The following SENP1 variants were observed in gnomAD, a reference collection of about 807,000 sequenced individuals.
The protein encoded by SENP1 is SUMO specific peptidase 1.
In SENP1, 21 loss-of-function variants were observed where a neutral mutation model predicts 93.0. That is an observed-to-expected ratio of 0.23 (90% CI 0.16 to 0.33). The LOEUF is 0.33. Among genes scored for constraint, SENP1 ranks in the 10% least tolerant of loss-of-function variants. The pLI, the probability that SENP1 is intolerant of heterozygous loss-of-function variation, is 1.00. For synonymous variants in SENP1, 256 were observed against 259.6 expected (o/e 0.99, Z 0.13); for missense variants, 591 against 758.7 (o/e 0.78, Z 2.60).
At chr12:48,089,428 C>T in intron 4 of SENP1, 4 of 918,104 alleles carry the variant, frequency 4.4e-6, no homozygotes, top group Middle Eastern at 9.3e-4. Flanking sequence ...GTTCAAGACT[C>T]AGGTACTCTC....
intron 6 of SENP1, among the ~76,000 whole-genome samples, chr12:48,078,860 G>A (rs1339674678): frequency 6.6e-6 from 1 of 152,162 alleles, no homozygotes; most frequent in Non-Finnish European, 1.5e-5. Flanking sequence ...TGTTTTTGTT[G>A]TTGTTGTTGT....
intron 6 of SENP1, among the ~76,000 whole-genome samples, chr12:48,076,321 G>C (rs553672357): frequency 3.3e-5 from 5 of 152,016 alleles, no homozygotes; most frequent in African/African-American, 1.2e-4. Context: ...AGTAGAGATG[G>C]GGTTTCACCA....
intron 4 of SENP1, among the ~76,000 whole-genome samples, chr12:48,091,698 G>A (rs571532410): frequency 1.6e-4 from 24 of 149,750 alleles, no homozygotes; most frequent in Non-Finnish European, 7.4e-5. Context: ...TTTTTTTCTT[G>A]AGACAGGGTC....
rs755818133 is a variant in SENP1, at chr12:48,098,026, G to T, written c.103C>A (p.Pro35Thr). 29 of 1,613,722 alleles carry T rather than the reference G, an allele frequency of 1.8e-5. No homozygotes were observed. The highest frequency in any genetic ancestry group is 2.4e-5 in the Non-Finnish European group (28 of 1,179,804). Residue 35 changes from proline (P) to threonine (T), a missense_variant, in exon 3 of 18, where the codon CCA becomes ACA. Pro to Thr is a conservative substitution (Grantham distance 38). Around this residue, in one of 4 missense-constraint regions of SENP1, gnomAD observed 214 missense variants for 243.4 expected, o/e 0.88. Coordinates refer to ENST00000549518, the MANE Select transcript of SENP1 (RefSeq NM_001267594.2). The stretch of plus-strand genomic sequence containing the variant: ...TCAGAAAGCGAAAGCTGGTCCTCTG[G>T]AAAACCTGTTTGTGGCAGGAGGTGG... ...KTHLLPQTGF[P>T]EDQLSLSDQQ... is the part of the protein sequence containing the mutation.
chr12:48,093,803 A>C (rs1945377632), intron 4 of SENP1, among the ~76,000 whole-genome samples: 1 of 152,114 alleles, frequency 6.6e-6, no homozygotes, highest in East Asian at 1.9e-4. Flanking sequence ...CGTCTCTACC[A>C]AAAAATGCAA....
At chr12:48,105,943 G>C (rs1422028261) in intron 1 of SENP1, 85 bp downstream of exon 1, 13 of 690,656 alleles carry the variant, frequency 1.9e-5, no homozygotes, top group Non-Finnish European at 3.4e-5. Context: ...AGTCCAGCCC[G>C]GGCCGGCTGA....
intron 5 of SENP1, among the ~76,000 whole-genome samples, chr12:48,086,640 T>C (rs1944882780): frequency 6.6e-6 from 1 of 152,188 alleles, no homozygotes; most frequent in South Asian, 2.1e-4. Flanking sequence ...ACCTAGCTTA[T>C]AAAAAATACA....
chr12:48,055,156 C>T, intron 13 of SENP1: 2 of 256,700 alleles, frequency 7.8e-6, no homozygotes, highest in South Asian at 6.4e-5. Flanking sequence ...GCCACATTTG[C>T]CACAGGTTGA....
chr12:48,046,495 T>C, intron 16 of SENP1, 44 bp from the exon 17 acceptor site: 2 of 1,303,184 alleles, frequency 1.5e-6, no homozygotes, highest in South Asian at 1.2e-5. Context: ...TCCAAGCTTC[T>C]TTCCTTCTTA....
chr12:48,076,394 G>A (rs1944083779), intron 6 of SENP1, among the ~76,000 whole-genome samples: 1 of 151,902 alleles, frequency 6.6e-6, no homozygotes, highest in African/African-American at 2.4e-5. Context: ...GCGCCATATC[G>A]GCTCACTGCA....
At chr12:48,105,654 C>G (rs991248404) in intron 1 of SENP1, 1 of 432,522 alleles carries the variant, frequency 2.3e-6, no homozygotes, top group African/African-American at 2.0e-5. Context: ...GTGAAAACAG[C>G]TCTCCCCAGA....
intron 2 of SENP1, among the ~76,000 whole-genome samples, chr12:48,099,897 ATAT>A (rs1194949361): frequency 6.6e-6 from 1 of 151,834 alleles, no homozygotes; most frequent in Non-Finnish European, 1.5e-5. Context: ...AATAACTATA[ATAT>A]TATGGCAGAA....
In SENP1 at chr12:48,043,489, A is replaced by G. The variant is rs574006966; in HGVS notation, c.*1833T>C. ...ATACAGTAAATACCAAGAACCAGACAATATTCCAGGAGTCCTGCAATGAGA... is the reference window on the plus strand; with the variant it reads ...ATACAGTAAATACCAAGAACCAGACGATATTCCAGGAGTCCTGCAATGAGA... On this transcript the variant is annotated 3_prime_UTR_variant, in exon 18 of 18. Transcript: ENST00000549518. The G allele has an allele frequency of 4.6e-5, 7 of 152,776 alleles. No homozygotes were observed. In the South Asian group the frequency reaches 1.0e-3, roughly 23 times the overall value. The allele number at this position is 152,776 out of a possible 1,614,324, so 9.5% of individuals were successfully genotyped here.
rs1002462996 is a variant in SENP1, at chr12:48,044,474, G to A, written c.*848C>T. 9.9e-5 allele frequency: 15 copies of A among 151,554 alleles called. No individual in the cohort carries two copies. The highest frequency in any genetic ancestry group is 2.9e-4 in the African/African-American group (12 of 41,170). 9.4% of individuals were successfully genotyped at this position (151,554 alleles called of 1,614,324 possible). ...CAAACTAGATCTGCATTCATCCAGC[G>A]CTGGAATTTTATGCTAAATACTAAG... On this transcript the variant is annotated 3_prime_UTR_variant, in exon 18 of 18. Transcript: ENST00000549518.
At chr12:48,075,111 G>A (rs936720850) in intron 6 of SENP1, among the ~76,000 whole-genome samples, 10 of 152,130 alleles carry the variant, frequency 6.6e-5, no homozygotes, top group African/African-American at 1.9e-4. Flanking sequence ...AGCTACTGGG[G>A]AGACTGAGGC....
intron 9 of SENP1, among the ~76,000 whole-genome samples, chr12:48,069,407 T>G (rs1309083346): frequency 6.6e-6 from 1 of 152,094 alleles, no homozygotes; most frequent in Non-Finnish European, 1.5e-5. Flanking sequence ...GGCACCAACT[T>G]TGACAAAGAG....
chr12:48,074,777 T>C lies in SENP1; in HGVS notation c.569A>G (p.Glu190Gly), dbSNP rs1265633102. ...TAGCAGCTGTCTGTAAATCTCTCTTTCTTCTTCTTGAACTGTCTATAAGAA... is the reference window on the plus strand; with the variant it reads ...TAGCAGCTGTCTGTAAATCTCTCTTCCTTCTTCTTGAACTGTCTATAAGAA... ...STAEETVQEEEREIYRQLLQM... is the reference protein window; with the variant it reads ...STAEETVQEEGREIYRQLLQM... Residue 190 changes from glutamate to glycine, a missense_variant, in exon 7 of 18, where the codon GAA becomes GGA. By Grantham distance (98) the Glu-to-Gly change is moderately conservative. This residue lies in a region of SENP1 where 214 missense variants were observed against 243.4 expected (regional missense o/e 0.88). Transcript: ENST00000549518. 4 of 1,609,306 alleles carry C rather than the reference T, an allele frequency of 2.5e-6. No homozygotes were observed. Among genetic ancestry groups the C allele is most frequent in the Non-Finnish European group, 3.4e-6 (4 of 1,177,052 alleles).
chr12:48,056,126 G>A (rs1405420103), intron 13 of SENP1, among the ~76,000 whole-genome samples: 2 of 38,704 alleles, frequency 5.2e-5, no homozygotes, highest in Non-Finnish European at 9.0e-5. Context: ...TTAAAATATA[G>A]TATATATTAT....
chr12:48,105,996 C>T, intron 1 of SENP1, 32 bp downstream of exon 1: 1 of 700,670 alleles, frequency 1.4e-6, no homozygotes, highest in Non-Finnish European at 2.6e-6. Context: ...CCTCCATCCT[C>T]ACCCCTCCCC....
Sources: allele counts gnomAD v4.1 joint callset (sites outside exome capture counted in the v4.1 genomes callset), GRCh38; gene constraint gnomAD v4.1.1; regional missense constraint gnomAD v4.1.1; transcripts MANE v1.5; gene names NCBI Gene and HGNC (gene_info 2026-07-23, HGNC 2026-07-21).